The following STARD13 variants were observed in gnomAD, a reference collection of about 807,000 sequenced individuals.
The protein encoded by STARD13 is StAR related lipid transfer domain containing 13.
Under a neutral mutation model 106.4 loss-of-function variants are expected in STARD13, and 62 were observed. The ratio of observed to expected loss-of-function variants is 0.58; its 90% CI spans 0.48 to 0.72. The LOEUF (loss-of-function observed/expected upper bound fraction) is 0.72, where lower values mean the gene tolerates loss of function less well. Among genes scored for constraint, STARD13 ranks in the 30% least tolerant of loss-of-function variants. STARD13 has a pLI of 0.00. For missense variants in STARD13, 1,387 were observed against 1,424.0 expected (o/e 0.97, Z 0.42); for synonymous variants, 565 against 553.0 (o/e 1.02, Z -0.31).
At chr13:33,132,143 A>G (rs1260931140) in intron 4 of STARD13, among the ~76,000 whole-genome samples, 2 of 152,226 alleles carry the variant, frequency 1.3e-5, no homozygotes, top group Non-Finnish European at 2.9e-5. Flanking sequence ...ATTCAAGTTT[A>G]AAGTGAAAGC....
At chr13:33,414,042 A>C in the STARD13 span, among the ~76,000 whole-genome samples, 1 of 151,310 alleles carries the variant, frequency 6.6e-6, no homozygotes, top group Non-Finnish European at 1.5e-5. Context: ...CAAAAAAAAA[A>C]AAAAAAAAGA....
At chr13:33,555,528 G>C in the STARD13 span, among the ~76,000 whole-genome samples, 1 of 152,176 alleles carries the variant, frequency 6.6e-6, no homozygotes, top group East Asian at 1.9e-4. Flanking sequence ...GTACATTCTT[G>C]TAAGTTCTAA....
the STARD13 span, among the ~76,000 whole-genome samples, chr13:33,667,699 T>C: frequency 2.0e-5 from 3 of 152,236 alleles, no homozygotes; most frequent in African/African-American, 2.4e-5. Context: ...ATTTCAGAGA[T>C]GTAAAAATGT....
the STARD13 span, among the ~76,000 whole-genome samples, chr13:33,370,942 G>A: frequency 6.6e-6 from 1 of 151,956 alleles, no homozygotes; most frequent in Admixed American, 6.6e-5. Flanking sequence ...TTTTCTTTAA[G>A]TATAGAAATA....
the STARD13 span, among the ~76,000 whole-genome samples, chr13:33,424,869 G>A: frequency 6.6e-6 from 1 of 152,154 alleles, no homozygotes; most frequent in African/African-American, 2.4e-5. Flanking sequence ...ACTCAAAATA[G>A]ACATAGTCTG....
At chr13:33,244,939 C>T (rs1210528997) in intron 1 of STARD13, among the ~76,000 whole-genome samples, 1 of 152,188 alleles carries the variant, frequency 6.6e-6, no homozygotes. Flanking sequence ...AGGTAACTGA[C>T]ACATCCCTAC....
At chr13:33,202,539 T>C (rs1479580722) in intron 1 of STARD13, among the ~76,000 whole-genome samples, 2 of 152,196 alleles carry the variant, frequency 1.3e-5, no homozygotes, top group Non-Finnish European at 2.9e-5. Context: ...CTGGCCTGTC[T>C]TTGCGGAGCC....
chr13:33,107,928 T>C, intron 12 of STARD13, among the ~76,000 whole-genome samples: 1 of 152,244 alleles, frequency 6.6e-6, no homozygotes. Context: ...ATGTCCTCCA[T>C]GATTTCACCC....
the STARD13 span, among the ~76,000 whole-genome samples, chr13:33,484,726 G>A: frequency 6.6e-6 from 1 of 152,162 alleles, no homozygotes; most frequent in Non-Finnish European, 1.5e-5. Context: ...TAGTTCCCCT[G>A]TCTTGATAAA....
chr13:33,251,998 A>G (rs34559833), intron 1 of STARD13, among the ~76,000 whole-genome samples: 34,055 of 152,078 alleles, frequency 0.22, 4,071 homozygotes, highest in African/African-American at 0.28. Context: ...TATTCATCCT[A>G]AAAGGCTAAA....
the STARD13 span, among the ~76,000 whole-genome samples, chr13:33,485,986 C>T: frequency 6.5e-3 from 987 of 152,232 alleles, 6 homozygotes; most frequent in Non-Finnish European, 0.011. Context: ...CAATTCAGAG[C>T]GCTGAAGATG....
At chr13:33,284,659 TA>T (rs1891966203) in intron 1 of STARD13, among the ~76,000 whole-genome samples, 1 of 152,122 alleles carries the variant, frequency 6.6e-6, no homozygotes, top group Non-Finnish European at 1.5e-5. Flanking sequence ...ACGTGTGTGT[TA>T]GGGGCTTCTT....
In STARD13 at chr13:33,109,965, C is replaced by A; in HGVS notation, c.2955G>T (p.Lys985Asn). 1 of 1,614,248 alleles carries A rather than the reference C, an allele frequency of 6.2e-7. No homozygotes were observed. Among genetic ancestry groups the A allele is most frequent in the Non-Finnish European group, 8.5e-7 (1 of 1,180,042 alleles). Reference protein sequence around the residue: ...HLWDEDFVQWKVVETLDRQTE... With the variant: ...HLWDEDFVQWNVVETLDRQTE... ...TTTGCCTGTCTAGAGTTTCCACAACCTTCCACTGCACAAAGTCCTCGTCCC... is the reference window on the plus strand; with the variant it reads ...TTTGCCTGTCTAGAGTTTCCACAACATTCCACTGCACAAAGTCCTCGTCCC... Residue 985 changes from lysine to asparagine, a missense_variant, in exon 12 of 14, where the codon AAG (lysine) becomes AAT (asparagine). Physicochemically the swap from Lys to Asn is moderately conservative, Grantham distance 94. Coordinates refer to ENST00000336934, the MANE Select transcript of STARD13 (RefSeq NM_178006.4).
chr13:33,249,271 A>C lies in STARD13; in HGVS notation c.169+36199T>G, dbSNP rs1054957281. ...ATAAATTCCAATCCTAAGAGAACACACTAACTCACGATGACTCAGTTGACC... is the reference window on the plus strand; with the variant it reads ...ATAAATTCCAATCCTAAGAGAACACCCTAACTCACGATGACTCAGTTGACC... On this transcript the variant is annotated intron_variant, in intron 1 of 13. Transcript: ENST00000336934. Among the ~76,000 whole-genome samples, 3 of 152,210 alleles carry C rather than the reference A, an allele frequency of 2.0e-5. No individual in the cohort carries two copies. The East Asian group carries it at 5.8e-4, about 29-fold the overall frequency.
chr13:33,276,548 A>G (rs981559966), intron 1 of STARD13: 17 of 152,174 alleles, frequency 1.1e-4, no homozygotes, highest in African/African-American at 3.6e-4. Flanking sequence ...TTTTATGACT[A>G]TACATACTTT....
chr13:33,582,232 G>A, the STARD13 span, among the ~76,000 whole-genome samples: 25,458 of 139,934 alleles, frequency 0.18, 2,917 homozygotes, highest in East Asian at 0.38. Flanking sequence ...AAAAAAAAAA[G>A]AAAAAAAAGA....
At chr13:33,356,413 T>A in the STARD13 span, among the ~76,000 whole-genome samples, 3 of 152,254 alleles carry the variant, frequency 2.0e-5, no homozygotes, top group South Asian at 6.2e-4. Flanking sequence ...AATGAACACA[T>A]CATCTGAAGA....
chr13:33,337,360 C>T (rs1002551694), intron 1 of STARD13, among the ~76,000 whole-genome samples: 16 of 150,750 alleles, frequency 1.1e-4, no homozygotes, highest in Non-Finnish European at 2.1e-4. Flanking sequence ...TTAATTAAGA[C>T]ATTTAAAAAA....
chr13:33,650,214 G>A, the STARD13 span, among the ~76,000 whole-genome samples: 5 of 80,114 alleles, frequency 6.2e-5, no homozygotes, highest in Admixed American at 2.3e-4. Flanking sequence ...TTTTTGAGAC[G>A]GCATCTCACT....
Sources: allele counts gnomAD v4.1 joint callset (sites outside exome capture counted in the v4.1 genomes callset), GRCh38; gene constraint gnomAD v4.1.1; transcripts MANE v1.5; gene names NCBI Gene and HGNC (gene_info 2026-07-23, HGNC 2026-07-21).